Variants in FBXO25 observed in about 807,000 individuals in gnomAD.
FBXO25 encodes F-box protein 25, also known as F-box only protein 25.
FBXO25 carries 45 observed loss-of-function variants against 51.9 expected under a neutral mutation model. The observed-to-expected ratio is 0.87, with a 90% confidence interval of 0.68 to 1.11. The LOEUF (loss-of-function observed/expected upper bound fraction) is 1.11, where lower values mean the gene tolerates loss of function less well. Among genes scored for constraint, FBXO25 ranks in the 50% most tolerant of loss-of-function variants. The probability of loss-of-function intolerance (pLI) is 0.00; values close to 1 mark genes in which losing one functional copy is unlikely to be tolerated. For synonymous variants in FBXO25, 199 were observed against 151.0 expected, an observed-to-expected ratio of 1.32 and a Z score of -2.33; for missense variants, 507 against 428.5, an observed-to-expected ratio of 1.18 and a Z score of -1.62.
chr8:458,271 C>T (rs1305289130), intron 7 of FBXO25, 98 bp from the exon 8 acceptor site: 1 of 1,360,316 alleles, frequency 7.4e-7, no homozygotes. Flanking sequence ...TTTGTGTTAC[C>T]ATGTTTTGAA....
chr8:463,898 C>CT (rs1799979587), intron 9 of FBXO25, among the ~76,000 whole-genome samples: 1 of 152,148 alleles, frequency 6.6e-6, no homozygotes, highest in African/African-American at 2.4e-5. Flanking sequence ...ACTGCAGCCT[C>CT]TACCTCCTGC....
intron 2 of FBXO25, among the ~76,000 whole-genome samples, chr8:416,304 A>G (rs1181858158): frequency 6.6e-6 from 1 of 152,194 alleles, no homozygotes; most frequent in Non-Finnish European, 1.5e-5. Flanking sequence ...CCATCTTTTC[A>G]AAACAACCGG....
chr8:463,534 T>C (rs62483137), intron 9 of FBXO25, among the ~76,000 whole-genome samples: 16,339 of 152,212 alleles, frequency 0.11, 1,002 homozygotes, highest in South Asian at 0.18. Context: ...TCCCCAGACT[T>C]AGCCCTCGGC....
chr8:424,445 A>G (rs1484355083), intron 2 of FBXO25, among the ~76,000 whole-genome samples: 1 of 152,204 alleles, frequency 6.6e-6, no homozygotes, highest in African/African-American at 2.4e-5. Flanking sequence ...GCCAAGGCCA[A>G]CGTCAAGAAG....
At chr8:418,373 T>C (rs959775692) in intron 2 of FBXO25, among the ~76,000 whole-genome samples, 62 of 137,482 alleles carry the variant, frequency 4.5e-4, no homozygotes, top group African/African-American at 1.6e-3. Context: ...GGAGTCTTGC[T>C]CTGTCACCCA....
At chr8:444,662 G>A (rs540987274) in intron 5 of FBXO25, among the ~76,000 whole-genome samples, 14 of 152,172 alleles carry the variant, frequency 9.2e-5, no homozygotes, top group East Asian at 5.8e-4. Context: ...GAGGAGATAC[G>A]CAGTCATGCA....
At chr8:457,982 C>T (rs746360556) in intron 7 of FBXO25, among the ~76,000 whole-genome samples, 3 of 152,218 alleles carry the variant, frequency 2.0e-5, no homozygotes, top group Non-Finnish European at 4.4e-5. Flanking sequence ...TGATGGGTGT[C>T]ATGTTGCCCT....
intron 2 of FBXO25, among the ~76,000 whole-genome samples, chr8:430,563 C>A (rs937613695): frequency 6.6e-6 from 1 of 152,164 alleles, no homozygotes; most frequent in African/African-American, 2.4e-5. Flanking sequence ...GAGCACCACT[C>A]TCACATGCCT....
At chr8:448,351 C>G (rs1483913048) in intron 5 of FBXO25, among the ~76,000 whole-genome samples, 1 of 152,200 alleles carries the variant, frequency 6.6e-6, no homozygotes, top group Non-Finnish European at 1.5e-5. Context: ...GCAAGAACCT[C>G]CCAATGGCTG....
Position 458,561 on chromosome 8 carries a change from A to G in FBXO25, c.843+10A>G. 6.2e-7 allele frequency: 1 copy of G among 1,613,152 alleles called. No homozygotes were observed. The highest frequency in any genetic ancestry group is 1.1e-5 in the South Asian group (1 of 90,916). On this transcript the variant is annotated intron_variant, in intron 8 of 9. Coordinates refer to ENST00000350302, the MANE Select transcript of FBXO25 (RefSeq NM_183420.2). Reference sequence around the variant, plus strand: ...TTTTGCTGAAAAGCAGGTGAGTGGGATGCAGCAGTCTCCCCTCAGGCTGGG... The same window carrying G: ...TTTTGCTGAAAAGCAGGTGAGTGGGGTGCAGCAGTCTCCCCTCAGGCTGGG...
In FBXO25 at chr8:475,100, T is replaced by C. The variant is rs1800603060; in HGVS notation, c.*6296T>C. The C allele has an allele frequency of 2.7e-6, 1 of 369,582 alleles. No homozygotes were observed. Among genetic ancestry groups the C allele is most frequent in the African/African-American group, 2.1e-5 (1 of 47,064 alleles). 22.9% of individuals were successfully genotyped at this position (369,582 alleles called of 1,614,324 possible). On this transcript the variant is annotated 3_prime_UTR_variant, in exon 10 of 10. Coordinates refer to ENST00000350302, the MANE Select transcript of FBXO25 (RefSeq NM_183420.2). ...TCCTAAATGTTTTAGTTTTAGCTCT[T>C]AGTTTAGGCCTTTGATCTATTTTAA...
rs1446209089 is a variant in FBXO25 at position 435,620 on chromosome 8, T to C, written c.294T>C (p.His98=). ...CTTCTGTGTTGCTTTTCCAGAGGCA[T>C]GGCTATTGCACCTTGGGAGAAGCCT... The part of the protein sequence containing the change: ...YVHKESTKER[H]GYCTLGEAFN... Residue 98 remains histidine (H), a synonymous_variant, in exon 5 of 10, where the codon CAT becomes CAC. Transcript: ENST00000350302. 1.2e-6 allele frequency: 2 copies of C among 1,604,488 alleles called. No individual in the cohort carries two copies. The highest frequency in any genetic ancestry group is 1.7e-6 in the Non-Finnish European group (2 of 1,178,518).
chr8:421,400 T>C (rs984871666), intron 2 of FBXO25, among the ~76,000 whole-genome samples: 1 of 152,244 alleles, frequency 6.6e-6, no homozygotes, highest in Non-Finnish European at 1.5e-5. Flanking sequence ...TCAGTAACTT[T>C]GGAAAACAGT....
chr8:456,557 G>C (rs1306326407), intron 7 of FBXO25, among the ~76,000 whole-genome samples: 4 of 152,186 alleles, frequency 2.6e-5, no homozygotes, highest in Admixed American at 2.6e-4. Flanking sequence ...GCCTACAACA[G>C]GGCTGACATC....
chr8:424,803 C>G (rs748775979), intron 2 of FBXO25, among the ~76,000 whole-genome samples: 1 of 152,098 alleles, frequency 6.6e-6, no homozygotes, highest in African/African-American at 2.4e-5. Flanking sequence ...TGTGATGCCT[C>G]TGGCTTTGTT....
At chr8:428,721 G>A (rs1300722248) in intron 2 of FBXO25, among the ~76,000 whole-genome samples, 1 of 152,064 alleles carries the variant, frequency 6.6e-6, no homozygotes, top group African/African-American at 2.4e-5. Context: ...CCCCAGACCT[G>A]GTAACTGGCT....
intron 8 of FBXO25, among the ~76,000 whole-genome samples, chr8:460,161 G>A (rs985625653): frequency 1.3e-5 from 2 of 152,108 alleles, no homozygotes; most frequent in African/African-American, 2.4e-5. Flanking sequence ...GTGCAGGCCC[G>A]AGCTGTTCCC....
chr8:458,386 C>A lies in FBXO25; in HGVS notation c.678C>A (p.Leu226=). The A allele has an allele frequency of 1.2e-6, 2 of 1,613,722 alleles. No homozygotes were observed. The highest frequency in any genetic ancestry group is 1.7e-6 in the Non-Finnish European group (2 of 1,179,846). The change falls in exon 8 of 10, where the codon CTC becomes CTA. Residue 226 remains leucine, a synonymous_variant. Coordinates refer to ENST00000350302, the MANE Select transcript of FBXO25 (RefSeq NM_183420.2). ...CCTTTCAGCAAGTGAACAATGGCCT[C>A]ACCCTCAGTGACCTTCCTCTGCACA... ...LQMTKQVNNG[L]TLSDLPLHML... is the part of the protein sequence containing the mutation.
intron 9 of FBXO25, among the ~76,000 whole-genome samples, chr8:465,172 A>G (rs1800070525): frequency 6.6e-6 from 1 of 151,142 alleles, no homozygotes; most frequent in South Asian, 2.1e-4. Context: ...CAGCTTTGAC[A>G]CCTGACCCTG....
Sources: gnomAD v4.1 joint callset for allele counts (sites outside exome capture counted in the v4.1 genomes callset) on GRCh38, gnomAD v4.1.1 for gene constraint, MANE v1.5 for transcripts, NCBI Gene and HGNC (gene_info 2026-07-23, HGNC 2026-07-21) for gene names.